Variants in ADAMTSL1 observed in about 807,000 individuals in gnomAD.
The protein encoded by ADAMTSL1 is ADAMTS-like protein 1.
Under a neutral mutation model 201.8 loss-of-function variants are expected in ADAMTSL1, and 126 were observed. That is an observed-to-expected ratio of 0.62 (90% confidence interval 0.54 to 0.72). The LOEUF (loss-of-function observed/expected upper bound fraction) is 0.72, where lower values mean the gene tolerates loss of function less well. ADAMTSL1 is among the 30% of genes least tolerant of loss of function. The probability of loss-of-function intolerance (pLI) is 0.00; values close to 1 mark genes in which losing one functional copy is unlikely to be tolerated. For synonymous variants in ADAMTSL1, 1,121 were observed against 903.4 expected (o/e 1.24, Z -4.32); for missense variants, 2,679 against 2,277.8 (o/e 1.18, Z -3.59).
intron 2 of ADAMTSL1, among the ~76,000 whole-genome samples, chr9:18,371,612 T>G (rs1235239773): frequency 2.6e-5 from 4 of 152,242 alleles, no homozygotes; most frequent in Non-Finnish European, 5.9e-5. Flanking sequence ...AAAAGGATAG[T>G]AAAGTTATAT....
intron 1 of ADAMTSL1, among the ~76,000 whole-genome samples, chr9:18,054,581 A>G (rs1367679634): frequency 6.6e-6 from 1 of 152,156 alleles, no homozygotes; most frequent in Non-Finnish European, 1.5e-5. Context: ...ATGTTTTCTC[A>G]TTGAATTATT....
chr9:18,156,637 T>TAC (rs56324477), intron 1 of ADAMTSL1, among the ~76,000 whole-genome samples: 3,721 of 150,144 alleles, frequency 0.025, 133 homozygotes, highest in African/African-American at 0.078. Context: ...CATAAACACA[T>TAC]ACACACACAC....
chr9:18,765,804 T>C (rs1490641485), intron 16 of ADAMTSL1, among the ~76,000 whole-genome samples: 3 of 152,182 alleles, frequency 2.0e-5, no homozygotes, highest in Non-Finnish European at 2.9e-5. Context: ...AAATGGGTGA[T>C]AATTTCTGAA....
chr9:18,186,776 A>G (rs1828752871), intron 2 of ADAMTSL1, among the ~76,000 whole-genome samples: 1 of 151,978 alleles, frequency 6.6e-6, no homozygotes, highest in South Asian at 2.1e-4. Context: ...GTCATTGGTC[A>G]TGCTGGGAAA....
intron 14 of ADAMTSL1, among the ~76,000 whole-genome samples, chr9:18,712,198 C>T (rs1245297919): frequency 1.3e-5 from 2 of 152,252 alleles, no homozygotes; most frequent in Non-Finnish European, 1.5e-5. Flanking sequence ...CGCCTCTCCT[C>T]CTCCAAAGGA....
At chr9:18,797,204 G>A (rs536386868) in intron 20 of ADAMTSL1, among the ~76,000 whole-genome samples, 20 of 152,344 alleles carry the variant, frequency 1.3e-4, no homozygotes, top group Admixed American at 5.9e-4. Context: ...CCAGGGCATA[G>A]GGAGCTGCAT....
intron 2 of ADAMTSL1, among the ~76,000 whole-genome samples, chr9:18,179,831 A>T (rs373224909): frequency 1.3e-5 from 2 of 150,890 alleles, no homozygotes; most frequent in East Asian, 2.0e-4. Context: ...ATGCTGAGAG[A>T]TTTTGTCACC....
chr9:18,449,188 C>G (rs952155401), intron 2 of ADAMTSL1, among the ~76,000 whole-genome samples: 1 of 151,614 alleles, frequency 6.6e-6, no homozygotes, highest in Admixed American at 6.6e-5. Flanking sequence ...ATTCTTTGAA[C>G]TTTTTCTGAG....
At chr9:18,731,873 A>G (rs1588005327) in intron 15 of ADAMTSL1, among the ~76,000 whole-genome samples, 2 of 152,326 alleles carry the variant, frequency 1.3e-5, no homozygotes, top group Middle Eastern at 3.4e-3. Context: ...AGAGGATGAT[A>G]CTAAACCATT....
intron 23 of ADAMTSL1, among the ~76,000 whole-genome samples, chr9:18,845,796 A>G (rs7865744): frequency 6.6e-6 from 1 of 152,142 alleles, no homozygotes; most frequent in Non-Finnish European, 1.5e-5. Flanking sequence ...GACTGGGACA[A>G]TATAATATAA....
chr9:18,368,355 CTGACTG>C (rs1304457682), intron 2 of ADAMTSL1, among the ~76,000 whole-genome samples: 1 of 152,218 alleles, frequency 6.6e-6, no homozygotes, highest in Non-Finnish European at 1.5e-5. Context: ...TGCTCCCATG[CTGACTG>C]CTGTGGTAAC....
At chr9:18,652,508 C>G (rs1564120932) in intron 7 of ADAMTSL1, among the ~76,000 whole-genome samples, 2 of 152,192 alleles carry the variant, frequency 1.3e-5, no homozygotes, top group South Asian at 4.1e-4. Flanking sequence ...GGTGAAACAG[C>G]AATATGCATT....
intron 2 of ADAMTSL1, among the ~76,000 whole-genome samples, chr9:18,353,235 A>G (rs145781089): frequency 9.9e-4 from 151 of 152,346 alleles, no homozygotes; most frequent in Non-Finnish European, 1.8e-3. Context: ...TGAAAACAGT[A>G]GTAGCAGCAG....
At chr9:18,524,809 C>T (rs1445931621) in intron 2 of ADAMTSL1, among the ~76,000 whole-genome samples, 1 of 152,192 alleles carries the variant, frequency 6.6e-6, no homozygotes, top group African/African-American at 2.4e-5. Flanking sequence ...TCATGGTGGA[C>T]AAGCTTTTTG....
chr9:17,917,285 A>C (rs1826132338), intron 1 of ADAMTSL1, among the ~76,000 whole-genome samples: 1 of 152,058 alleles, frequency 6.6e-6, no homozygotes, highest in Non-Finnish European at 1.5e-5. Context: ...CCTCCAGTAC[A>C]AGGTTGGATA....
At chr9:18,018,144 A>G (rs1469134611) in intron 1 of ADAMTSL1, among the ~76,000 whole-genome samples, 1 of 152,118 alleles carries the variant, frequency 6.6e-6, no homozygotes, top group Non-Finnish European at 1.5e-5. Context: ...TCAAAAGCCT[A>G]AAGTATTTAC....
intron 15 of ADAMTSL1, chr9:18,723,602 A>C: frequency 1.3e-5 from 2 of 153,900 alleles, no homozygotes; most frequent in Admixed American, 6.4e-5. Flanking sequence ...CTCCAGATAA[A>C]CTCAATTCTC....
intron 2 of ADAMTSL1, among the ~76,000 whole-genome samples, chr9:18,231,977 C>CT (rs1830661016): frequency 1.3e-5 from 2 of 152,290 alleles, no homozygotes; most frequent in South Asian, 4.1e-4. Flanking sequence ...CCTCACCTTG[C>CT]TCCTAAAGCT....
At chr9:17,951,884 C>G (rs1188564736) in intron 1 of ADAMTSL1, among the ~76,000 whole-genome samples, 1 of 151,954 alleles carries the variant, frequency 6.6e-6, no homozygotes. Context: ...GTGGCATGAT[C>G]GTAGCTCACT....
Sources: gnomAD v4.1 joint callset for allele counts (sites outside exome capture counted in the v4.1 genomes callset) on GRCh38, gnomAD v4.1.1 for gene constraint, MANE v1.5 for transcripts, NCBI Gene and HGNC (gene_info 2026-07-23, HGNC 2026-07-21) for gene names.